VTI1A: variants seen among roughly 807,000 people sequenced by gnomAD.
VTI1A encodes the protein vesicle transport through interaction with t-SNAREs homolog 1A.
A neutral mutation model predicts 34.9 loss-of-function variants in VTI1A; 22 were observed. The observed-to-expected ratio is 0.63, with a 90% CI of 0.45 to 0.90. The LOEUF (loss-of-function observed/expected upper bound fraction) is 0.90. Among genes scored for constraint, VTI1A ranks in the 40% least tolerant of loss-of-function variants. The probability of loss-of-function intolerance (pLI) is 0.00; values close to 1 mark genes in which losing one functional copy is unlikely to be tolerated. For missense variants in VTI1A, 268 were observed against 275.6 expected (o/e 0.97, Z 0.20); for synonymous variants, 87 against 97.3 (o/e 0.89, Z 0.62).
At chr10:112,452,238 T>C (rs955175778) in intron 1 of VTI1A, among the ~76,000 whole-genome samples, 60 of 152,150 alleles carry the variant, frequency 3.9e-4, no homozygotes, top group African/African-American at 1.3e-3. Context: ...AGATAGTCTT[T>C]AGCAGTTACT....
chr10:112,621,706 G>A (rs1388820835), intron 5 of VTI1A, among the ~76,000 whole-genome samples: 1 of 152,094 alleles, frequency 6.6e-6, no homozygotes, highest in East Asian at 1.9e-4. Context: ...CTTTATAAAT[G>A]TACTTCTACC....
At chr10:112,758,741 AGT>A (rs1218643031) in intron 7 of VTI1A, among the ~76,000 whole-genome samples, 2 of 152,202 alleles carry the variant, frequency 1.3e-5, no homozygotes, top group Non-Finnish European at 2.9e-5. Flanking sequence ...AATCCCTCCA[AGT>A]GTGGTTGTGA....
chr10:112,669,504 A>C (rs1417023168), intron 7 of VTI1A, among the ~76,000 whole-genome samples: 2 of 152,224 alleles, frequency 1.3e-5, no homozygotes, highest in African/African-American at 4.8e-5. Flanking sequence ...AATATGTGCT[A>C]AGAAACAAAT....
chr10:112,560,164 A>G (rs1298056044), intron 5 of VTI1A, among the ~76,000 whole-genome samples: 1 of 152,178 alleles, frequency 6.6e-6, no homozygotes, highest in Non-Finnish European at 1.5e-5. Flanking sequence ...TTTAACATAT[A>G]AAGATTTTCT....
At chr10:112,581,326 AG>A (rs1315975546) in intron 5 of VTI1A, among the ~76,000 whole-genome samples, 1 of 152,268 alleles carries the variant, frequency 6.6e-6, no homozygotes, top group East Asian at 1.9e-4. Context: ...TACTTGCCCC[AG>A]GTTAGTGTGC....
the VTI1A span, among the ~76,000 whole-genome samples, chr10:112,854,951 G>T: frequency 2.6e-5 from 4 of 152,136 alleles, no homozygotes; most frequent in African/African-American, 9.7e-5. Context: ...GCCAAGAATG[G>T]GTCAGTAACC....
intron 7 of VTI1A, among the ~76,000 whole-genome samples, chr10:112,771,357 G>T (rs923447538): frequency 6.6e-6 from 1 of 152,214 alleles, no homozygotes; most frequent in Non-Finnish European, 1.5e-5. Flanking sequence ...TCTCCATCCT[G>T]CAAGGGATGA....
intron 3 of VTI1A, among the ~76,000 whole-genome samples, chr10:112,469,851 G>C (rs1848020105): frequency 6.6e-6 from 1 of 152,100 alleles, no homozygotes; most frequent in Non-Finnish European, 1.5e-5. Context: ...TTCTCTTTGT[G>C]GCTGCTTCTC....
intron 7 of VTI1A, among the ~76,000 whole-genome samples, chr10:112,759,494 C>T (rs929980445): frequency 2.0e-5 from 3 of 152,120 alleles, no homozygotes; most frequent in African/African-American, 7.2e-5. Flanking sequence ...ACATGCCTAC[C>T]GAACCAACGT....
At chr10:112,597,287 G>A (rs1309220189) in intron 5 of VTI1A, among the ~76,000 whole-genome samples, 1 of 152,058 alleles carries the variant, frequency 6.6e-6, no homozygotes, top group African/African-American at 2.4e-5. Flanking sequence ...ATGCGGTCTC[G>A]GCTCATCGCC....
At chr10:112,493,965 G>GTC (rs527792815) in intron 3 of VTI1A, among the ~76,000 whole-genome samples, 248 of 152,246 alleles carry the variant, frequency 1.6e-3, no homozygotes, top group African/African-American at 5.3e-3. Context: ...GGTAATGCTA[G>GTC]TCTCATAGAA....
intron 7 of VTI1A, among the ~76,000 whole-genome samples, chr10:112,710,803 CTGTGTGTGTGTGTGTA>C (rs1849386543): frequency 6.6e-6 from 1 of 150,830 alleles, no homozygotes; most frequent in South Asian, 2.1e-4. Flanking sequence ...CCATGTGTAT[CTGTGTGTGTGTGTGTA>C]TGTGTGTGTG....
chr10:112,705,101 G>T (rs561885555), intron 7 of VTI1A, among the ~76,000 whole-genome samples: 4 of 148,392 alleles, frequency 2.7e-5, no homozygotes, highest in East Asian at 2.0e-4. Flanking sequence ...ACAGGATTTT[G>T]CCATGTTGTC....
intron 7 of VTI1A, among the ~76,000 whole-genome samples, chr10:112,721,349 G>A (rs1849801541): frequency 2.0e-5 from 3 of 152,242 alleles, no homozygotes; most frequent in Admixed American, 2.0e-4. Context: ...ACCAACTTCA[G>A]AAGTAGAATA....
intron 7 of VTI1A, among the ~76,000 whole-genome samples, chr10:112,807,724 A>G (rs1015964674): frequency 2.0e-5 from 3 of 152,104 alleles, no homozygotes; most frequent in Non-Finnish European, 4.4e-5. Context: ...GTGGTGGCAC[A>G]CGCCTGTAAT....
chr10:112,706,945 G>A (rs1259926598), intron 7 of VTI1A, among the ~76,000 whole-genome samples: 1 of 152,040 alleles, frequency 6.6e-6, no homozygotes, highest in Non-Finnish European at 1.5e-5. Flanking sequence ...CACCTTCAGA[G>A]TATTTAATTT....
chr10:112,830,632 G>A, the VTI1A span, among the ~76,000 whole-genome samples: 2 of 150,394 alleles, frequency 1.3e-5, no homozygotes, highest in African/African-American at 4.9e-5. Flanking sequence ...GGCTGTGGGT[G>A]TCAGGAGCAG....
At chr10:112,853,057 T>C in the VTI1A span, among the ~76,000 whole-genome samples, 1 of 152,190 alleles carries the variant, frequency 6.6e-6, no homozygotes, top group Admixed American at 6.5e-5. Context: ...GTGCTGGGAT[T>C]ACAGGCATGA....
intron 5 of VTI1A, among the ~76,000 whole-genome samples, chr10:112,631,406 G>A (rs970612932): frequency 1.1e-4 from 16 of 152,042 alleles, no homozygotes; most frequent in African/African-American, 3.9e-4. Context: ...ATCCTCGTTA[G>A]GCAGTTGCTC....
Sources: allele counts gnomAD v4.1 joint callset (sites outside exome capture counted in the v4.1 genomes callset), GRCh38; gene constraint gnomAD v4.1.1; transcripts MANE v1.5; gene names NCBI Gene and HGNC (gene_info 2026-07-23, HGNC 2026-07-21).